NRXN3: variants seen among roughly 807,000 people sequenced by gnomAD.
The protein encoded by NRXN3 is neurexin 3.
NRXN3 carries 32 observed loss-of-function variants against 137.6 expected under a neutral mutation model. The observed-to-expected ratio is 0.23, with a 90% CI of 0.18 to 0.31. The LOEUF is 0.31. Among genes scored for constraint, NRXN3 ranks in the 10% least tolerant of loss-of-function variants. NRXN3 has a pLI of 1.00. For missense variants in NRXN3, 1,574 were observed against 2,062.5 expected (o/e 0.76, Z 4.59); for synonymous variants, 798 against 784.5 (o/e 1.02, Z -0.29).
At chr14:79,735,577 A>C (rs552955557) in intron 19 of NRXN3, among the ~76,000 whole-genome samples, 3 of 152,316 alleles carry the variant, frequency 2.0e-5, no homozygotes, top group South Asian at 2.1e-4. Flanking sequence ...ATTTGTGTAC[A>C]TATAAGTCAA....
At chr14:78,588,273 G>C (rs1438916292) in intron 4 of NRXN3, among the ~76,000 whole-genome samples, 1 of 152,160 alleles carries the variant, frequency 6.6e-6, no homozygotes. Context: ...TCATTCTCCT[G>C]AATGTTCCAC....
intron 19 of NRXN3, among the ~76,000 whole-genome samples, chr14:79,730,633 A>G (rs2098918595): frequency 6.6e-6 from 1 of 152,208 alleles, no homozygotes; most frequent in Admixed American, 6.5e-5. Context: ...AGCCTGTTAT[A>G]ATGCTGGTAT....
intron 16 of NRXN3, among the ~76,000 whole-genome samples, chr14:79,585,732 A>C (rs970987327): frequency 1.1e-4 from 17 of 151,326 alleles, no homozygotes; most frequent in Non-Finnish European, 2.4e-4. Context: ...ATAAAATATA[A>C]CTCTAACTCT....
At chr14:78,973,384 G>A (rs2099451056) in intron 14 of NRXN3, among the ~76,000 whole-genome samples, 1 of 152,136 alleles carries the variant, frequency 6.6e-6, no homozygotes, top group African/African-American at 2.4e-5. Context: ...GGACATTTAA[G>A]TACTTGGGCT....
chr14:78,656,874 T>C (rs2097788599), intron 6 of NRXN3, among the ~76,000 whole-genome samples: 1 of 151,520 alleles, frequency 6.6e-6, no homozygotes, highest in African/African-American at 2.4e-5. Flanking sequence ...AAACCCCATC[T>C]CTACTAAAAA....
At chr14:78,859,964 A>T (rs7155853) in intron 10 of NRXN3, among the ~76,000 whole-genome samples, 8,127 of 152,194 alleles carry the variant, frequency 0.053, 381 homozygotes, top group East Asian at 0.25. Flanking sequence ...AGAGCTACTG[A>T]AGATTATATC....
chr14:79,227,467 A>G (rs796411463), intron 15 of NRXN3, among the ~76,000 whole-genome samples: 15 of 152,238 alleles, frequency 9.9e-5, no homozygotes, highest in African/African-American at 3.1e-4. Flanking sequence ...TCGTTTGGCT[A>G]TGACTCAACT....
intron 15 of NRXN3, among the ~76,000 whole-genome samples, chr14:79,322,092 C>A (rs1309123952): frequency 1.3e-5 from 2 of 152,008 alleles, no homozygotes; most frequent in Non-Finnish European, 2.9e-5. Flanking sequence ...CTCATGGTAA[C>A]TAATATTTGA....
rs148780567 is a variant in NRXN3, at chr14:78,509,239, C to G, written c.758-135881C>G. Among the ~76,000 whole-genome samples, 477 of 152,256 alleles carry G rather than the reference C, an allele frequency of 3.1e-3. 9 individuals carry two copies. Among genetic ancestry groups the G allele is most frequent in the African/African-American group, 0.011 (461 of 41,568 alleles). ...GCTTGAACCCGGGAGGCAGAGGTTACAGTGAGCCAAGATCGTGCTACTGCA... is the reference window on the plus strand; with the variant it reads ...GCTTGAACCCGGGAGGCAGAGGTTAGAGTGAGCCAAGATCGTGCTACTGCA... On this transcript the variant is annotated intron_variant, in intron 4 of 20. Transcript: ENST00000335750.
intron 15 of NRXN3, among the ~76,000 whole-genome samples, chr14:79,334,446 A>G (rs980282357): frequency 6.6e-6 from 1 of 152,192 alleles, no homozygotes; most frequent in African/African-American, 2.4e-5. Context: ...ACCCTGAAAC[A>G]GGAATGCACT....
chr14:78,451,754 A>T (rs766204161), intron 4 of NRXN3, among the ~76,000 whole-genome samples: 9 of 152,254 alleles, frequency 5.9e-5, no homozygotes, highest in Non-Finnish European at 1.2e-4. Flanking sequence ...CAAAGATGGC[A>T]GCATTTTATG....
At chr14:78,436,524 C>A (rs908703832) in intron 4 of NRXN3, among the ~76,000 whole-genome samples, 4 of 152,158 alleles carry the variant, frequency 2.6e-5, no homozygotes, top group African/African-American at 9.7e-5. Context: ...TACTCTACAG[C>A]AGCTCTGTCC....
intron 15 of NRXN3, among the ~76,000 whole-genome samples, chr14:79,216,525 C>T (rs1388484691): frequency 2.0e-5 from 3 of 152,146 alleles, no homozygotes; most frequent in African/African-American, 7.2e-5. Context: ...GAAAAATATA[C>T]TTCTCTACAA....
chr14:79,548,290 T>C (rs1215690384), intron 16 of NRXN3, among the ~76,000 whole-genome samples: 1 of 152,148 alleles, frequency 6.6e-6, no homozygotes, highest in African/African-American at 2.4e-5. Context: ...CATGCAGTGT[T>C]TGGTTTTCTG....
At chr14:78,722,769 G>T (rs1325807383) in intron 8 of NRXN3, among the ~76,000 whole-genome samples, 1 of 152,126 alleles carries the variant, frequency 6.6e-6, no homozygotes, top group Non-Finnish European at 1.5e-5. Flanking sequence ...GAGCACTTGG[G>T]ACACAAAGGC....
intron 8 of NRXN3, among the ~76,000 whole-genome samples, chr14:78,725,562 G>A (rs2098479187): frequency 6.6e-6 from 1 of 152,212 alleles, no homozygotes; most frequent in Non-Finnish European, 1.5e-5. Flanking sequence ...CTATAAGGTG[G>A]AGCCTCCTTC....
chr14:78,708,259 G>T (rs1411247312), intron 6 of NRXN3, among the ~76,000 whole-genome samples: 3 of 152,096 alleles, frequency 2.0e-5, no homozygotes, highest in Non-Finnish European at 4.4e-5. Context: ...CCTTGGGTAG[G>T]GCATGGAGGC....
rs201071877 is a variant in NRXN3 at position 78,656,485 on chromosome 14, GC to G, written c.1221+5162del. Among the ~76,000 whole-genome samples the G allele has an allele frequency of 6.6e-5, 10 of 152,230 alleles. No individual in the cohort carries two copies. The East Asian group carries it at 1.9e-3, about 29-fold the overall frequency. On this transcript the variant is annotated intron_variant, in intron 6 of 20. Transcript: ENST00000335750. ...TTACAAACAGCTTGCTAATTTCAAG[GC>G]CCAAATTATAAGACTGGGAGCTTTG...
intron 15 of NRXN3, among the ~76,000 whole-genome samples, chr14:79,362,104 C>T (rs988427881): frequency 6.0e-5 from 9 of 149,446 alleles, no homozygotes; most frequent in East Asian, 1.9e-4. Flanking sequence ...GGATTACAGG[C>T]GCGGGCCACC....
Sources: allele counts gnomAD v4.1 joint callset (sites outside exome capture counted in the v4.1 genomes callset), GRCh38; gene constraint gnomAD v4.1.1; transcripts MANE v1.5; gene names NCBI Gene and HGNC (gene_info 2026-07-23, HGNC 2026-07-21).